Variants in SUCLG2 observed in about 807,000 individuals in gnomAD.
SUCLG2 encodes succinate--CoA ligase [GDP-forming] subunit beta, mitochondrial.
SUCLG2 carries 42 observed loss-of-function variants against 47.9 expected under a neutral mutation model. The observed-to-expected ratio is 0.88, with a 90% CI of 0.69 to 1.14. The LOEUF is 1.14. SUCLG2 is among the 50% of genes most tolerant of loss of function. SUCLG2 has a pLI of 0.00. For synonymous variants in SUCLG2, 195 were observed against 197.3 expected (o/e 0.99, Z 0.10); for missense variants, 571 against 525.9 (o/e 1.09, Z -0.84).
intron 9 of SUCLG2, among the ~76,000 whole-genome samples, chr3:67,411,718 C>T (rs1417983380): frequency 6.6e-6 from 1 of 152,156 alleles, no homozygotes; most frequent in Non-Finnish European, 1.5e-5. Flanking sequence ...CAAATCCCCA[C>T]CTTTTGTTCA....
intron 10 of SUCLG2, among the ~76,000 whole-genome samples, chr3:67,392,240 T>A (rs1702405002): frequency 2.0e-5 from 3 of 152,134 alleles, no homozygotes. Flanking sequence ...CTCTCCTGCC[T>A]TATCACTCGC....
intron 1 of SUCLG2, among the ~76,000 whole-genome samples, chr3:67,632,615 C>A (rs1391621704): frequency 5.3e-5 from 8 of 152,132 alleles, no homozygotes; most frequent in African/African-American, 1.9e-4. Flanking sequence ...CCTGGCCCCA[C>A]TATGATAATG....
At chr3:67,431,706 C>T (rs191717969) in intron 9 of SUCLG2, among the ~76,000 whole-genome samples, 30 of 137,856 alleles carry the variant, frequency 2.2e-4, no homozygotes, top group Admixed American at 3.1e-4. Flanking sequence ...CTTGGACACA[C>T]GGTGGGGAAC....
intron 5 of SUCLG2, 113 bp from the exon 6 acceptor site, chr3:67,518,449 C>CT (rs1706009922): frequency 3.1e-6 from 3 of 971,194 alleles, no homozygotes; most frequent in Admixed American, 2.4e-5. Context: ...AGTGTGGCAT[C>CT]TATCCAGAGA....
chr3:67,476,132 G>A (rs953622932), intron 9 of SUCLG2, among the ~76,000 whole-genome samples: 2 of 151,914 alleles, frequency 1.3e-5, no homozygotes, highest in African/African-American at 4.8e-5. Context: ...GAGAAACCAA[G>A]AGTCAGGTGC....
At chr3:67,628,019 G>C (rs959313378) in intron 1 of SUCLG2, among the ~76,000 whole-genome samples, 1 of 152,096 alleles carries the variant, frequency 6.6e-6, no homozygotes, top group Non-Finnish European at 1.5e-5. Flanking sequence ...TGCCCTTCTA[G>C]TCCTCCAATA....
At chr3:67,614,333 A>C (rs1700585896) in intron 1 of SUCLG2, among the ~76,000 whole-genome samples, 1 of 151,820 alleles carries the variant, frequency 6.6e-6, no homozygotes, top group African/African-American at 2.4e-5. Flanking sequence ...TGTGGGTGTA[A>C]CAGCATCTCC....
intron 1 of SUCLG2, among the ~76,000 whole-genome samples, chr3:67,645,246 T>A (rs896296242): frequency 6.6e-6 from 1 of 152,202 alleles, no homozygotes; most frequent in African/African-American, 2.4e-5. Flanking sequence ...ATAAAAGCTA[T>A]TTTATACTGG....
intron 10 of SUCLG2, among the ~76,000 whole-genome samples, chr3:67,367,120 C>T (rs1288893136): frequency 6.6e-6 from 1 of 152,000 alleles, no homozygotes; most frequent in Non-Finnish European, 1.5e-5. Context: ...TCTTTGAGAA[C>T]CAGTAACTAA....
chr3:67,541,878 T>C (rs1021448046), intron 2 of SUCLG2, among the ~76,000 whole-genome samples: 6 of 152,152 alleles, frequency 3.9e-5, no homozygotes, highest in Middle Eastern at 3.4e-3. Context: ...TTTTCTTTTT[T>C]TTTTTTTGAG....
chr3:67,430,919 G>A (rs1219957887), intron 9 of SUCLG2, among the ~76,000 whole-genome samples: 1 of 152,108 alleles, frequency 6.6e-6, no homozygotes, highest in African/African-American at 2.4e-5. Context: ...TTGAATCTCT[G>A]AATAGACCAA....
At chr3:67,460,963 A>G (rs2106957481) in intron 9 of SUCLG2, among the ~76,000 whole-genome samples, 2 of 152,282 alleles carry the variant, frequency 1.3e-5, no homozygotes, top group South Asian at 4.1e-4. Context: ...CAGAGGTTCC[A>G]TAATTTGTCT....
intron 4 of SUCLG2, among the ~76,000 whole-genome samples, chr3:67,525,535 T>C (rs534762412): frequency 6.6e-6 from 1 of 152,270 alleles, no homozygotes; most frequent in South Asian, 2.1e-4. Context: ...AAGATAAGCC[T>C]TTTCAAAAAA....
At chr3:67,439,555 T>C (rs1180195398) in intron 9 of SUCLG2, among the ~76,000 whole-genome samples, 1 of 152,202 alleles carries the variant, frequency 6.6e-6, no homozygotes, top group East Asian at 1.9e-4. Context: ...ACAAAATCAG[T>C]GTGTAAAAAT....
intron 1 of SUCLG2, among the ~76,000 whole-genome samples, chr3:67,646,593 T>A (rs1467428598): frequency 6.6e-6 from 1 of 151,486 alleles, no homozygotes; most frequent in African/African-American, 2.4e-5. Context: ...AGACTCTGTC[T>A]GAAAAAATAT....
intron 2 of SUCLG2, among the ~76,000 whole-genome samples, chr3:67,562,026 C>T (rs965720377): frequency 1.3e-5 from 2 of 152,138 alleles, no homozygotes; most frequent in Non-Finnish European, 2.9e-5. Context: ...CTTCCTACAC[C>T]CCTGCCCCTA....
intron 9 of SUCLG2, among the ~76,000 whole-genome samples, chr3:67,457,459 C>A (rs1255873436): frequency 6.6e-6 from 1 of 151,918 alleles, no homozygotes; most frequent in Non-Finnish European, 1.5e-5. Context: ...AATCTCTGTC[C>A]CTAACTCAGA....
chr3:67,488,382 G>GA lies in SUCLG2; in HGVS notation c.1062+7415dup, dbSNP rs371410639. Among the ~76,000 whole-genome samples the GA allele has an allele frequency of 5.7e-4, 87 of 152,022 alleles. 2 individuals are homozygous for GA. Among genetic ancestry groups the GA allele is most frequent in the African/African-American group, 1.9e-3 (80 of 41,514 alleles). ...AGTGGGTGGGGCAGCATGGAAAGAG[G>GA]AAAAAAAGGATTCACAGTATCTGCA... On this transcript the variant is annotated intron_variant, in intron 9 of 10. Coordinates refer to ENST00000307227, the MANE Select transcript of SUCLG2 (RefSeq NM_003848.4).
At chr3:67,479,976 T>G (rs1704869085) in intron 9 of SUCLG2, among the ~76,000 whole-genome samples, 1 of 152,216 alleles carries the variant, frequency 6.6e-6, no homozygotes, top group Non-Finnish European at 1.5e-5. Context: ...GATACAGTCC[T>G]CTGCATTTCA....
Sources: gnomAD v4.1 joint callset for allele counts (sites outside exome capture counted in the v4.1 genomes callset) on GRCh38, gnomAD v4.1.1 for gene constraint, MANE v1.5 for transcripts, NCBI Gene and HGNC (gene_info 2026-07-23, HGNC 2026-07-21) for gene names.